Variants in MFSD12 observed in about 807,000 individuals in gnomAD.
The protein encoded by MFSD12 is major facilitator superfamily domain-containing protein 12.
Under a neutral mutation model 51.2 loss-of-function variants are expected in MFSD12, and 67 were observed. That is an observed-to-expected ratio of 1.31 (90% CI 1.08 to 1.60). MFSD12 has a LOEUF of 1.60. Among genes scored for constraint, MFSD12 ranks in the 40% most tolerant of loss-of-function variants. The probability of loss-of-function intolerance (pLI) is 0.00; values close to 1 mark genes in which losing one functional copy is unlikely to be tolerated. For missense variants in MFSD12, 921 were observed against 673.0 expected (o/e 1.37, Z -4.08); for synonymous variants, 441 against 316.7 (o/e 1.39, Z -4.17).
Position 3,548,337 on chromosome 19 carries a change from C to T in MFSD12, c.510-70G>A, listed in dbSNP as rs528526320. 30 of 1,527,564 alleles carry T rather than the reference C, an allele frequency of 2.0e-5. No individual in the cohort carries two copies. In the East Asian group the frequency reaches 2.7e-4, roughly 14 times the overall value. 94.6% of individuals were successfully genotyped at this position (1,527,564 alleles called of 1,614,324 possible). A position where few individuals can be genotyped will look rare whatever the true frequency, so the allele number is the denominator to read the frequency against. On this transcript the variant is annotated intron_variant, in intron 2 of 9. Coordinates refer to ENST00000355415, the MANE Select transcript of MFSD12 (RefSeq NM_174983.5). ...GGGTCACTTCCTCCCCACGTGGCTA[C>T]GCCGTCAGAGAGGCCTGGGGAACCC...
downstream of MFSD12, chr19:3,543,774 T>A (rs1005173664): frequency 6.7e-7 from 1 of 1,490,470 alleles, no homozygotes; most frequent in East Asian, 2.5e-5. Flanking sequence ...AGGAGCCCCT[T>A]GCTGGCCAAC....
At chr19:3,553,778 A>G (rs181864864) in intron 1 of MFSD12, among the ~76,000 whole-genome samples, 1 of 149,222 alleles carries the variant, frequency 6.7e-6, no homozygotes, top group Non-Finnish European at 1.5e-5. Flanking sequence ...GAAACAGAGA[A>G]AGAAAGGAAA....
downstream of MFSD12, chr19:3,543,971 C>T (rs1205972207): frequency 1.3e-6 from 2 of 1,549,272 alleles, no homozygotes; most frequent in Non-Finnish European, 8.7e-7. Context: ...CCTCCACCTG[C>T]CAGCGGTCCC....
chr19:3,538,914 AC>A, intron 4 of MFSD12: 1 of 660,484 alleles, frequency 1.5e-6, no homozygotes, highest in Non-Finnish European at 2.8e-6. Flanking sequence ...GAGAAGCCAG[AC>A]CCCAGGTGGG....
Position 3,544,280 on chromosome 19 carries a change from G to A in MFSD12, c.*430C>T. The A allele has an allele frequency of 2.3e-6, 3 of 1,297,758 alleles. No homozygotes were observed. The highest frequency in any genetic ancestry group is 2.9e-6 in the Non-Finnish European group (3 of 1,024,088). 80.4% of individuals were successfully genotyped at this position (1,297,758 alleles called of 1,614,324 possible). The stretch of plus-strand genomic sequence containing the variant: ...TGCTGCCCACCACGGTGGGGTCCAG[G>A]CCCAGCCCACCACCCCGTGGCTGTC... On this transcript the variant is annotated 3_prime_UTR_variant, in exon 10 of 10. Transcript: ENST00000355415.
intron 1 of MFSD12, among the ~76,000 whole-genome samples, chr19:3,552,058 G>C (rs573716339): frequency 6.6e-6 from 1 of 152,080 alleles, no homozygotes. Flanking sequence ...CTCACCCTTC[G>C]GAGCACCCGG....
chr19:3,546,258 G>A lies in MFSD12; in HGVS notation c.1191C>T (p.His397=). The change falls in exon 7 of 10, where the codon CAC becomes CAT. Residue 397 remains histidine, a synonymous_variant. Transcript: ENST00000355415. ...LAMTADLIGP[H]TNSGAFVYGS... ...CCAGCCTGGCTACCAGCCCTACCGT[G>A]TGGGGACCGATGAGGTCGGCCGTCA... is the stretch of plus-strand genomic sequence containing the variant. 1 of 1,610,764 alleles carries A rather than the reference G, an allele frequency of 6.2e-7. No individual in the cohort carries two copies. The highest frequency in any genetic ancestry group is 8.5e-7 in the Non-Finnish European group (1 of 1,179,058).
chr19:3,548,002 CCGA>C lies in MFSD12; in HGVS notation c.680_682del (p.Val227del), dbSNP rs778505146. 7.5e-6 allele frequency: 12 copies of C among 1,598,800 alleles called. No homozygotes were observed. The highest frequency in any genetic ancestry group is 8.5e-6 in the Non-Finnish European group (10 of 1,179,386). ...GTGGAATAGCAGTGAGAACACGGCGCCGACACCCACCACCAGCAGGGACAGGTT... is the reference window on the plus strand; with the variant it reads ...GTGGAATAGCAGTGAGAACACGGCGCCACCCACCACCAGCAGGGACAGGTT... On this transcript the variant is annotated inframe_deletion, in exon 4 of 10. Transcript: ENST00000355415.
At chr19:3,540,429 T>G (rs1393862621), downstream of MFSD12, among the ~76,000 whole-genome samples, 1 of 151,778 alleles carries the variant, frequency 6.6e-6, no homozygotes, top group Non-Finnish European at 1.5e-5. Context: ...AGCTAATTTT[T>G]GTATTTTTAG....
Position 3,544,811 on chromosome 19 carries a change from CG to C in MFSD12, c.1417del (p.Arg473AlafsTer11). On this transcript the variant is annotated frameshift_variant, in exon 9 of 10. Transcript: ENST00000355415. LOFTEE classifies it high-confidence loss of function. Reference protein sequence around the residue: ...SLLLWPTRLRRWDRDARP With the variant: ...SLLLWPTRLRXWDRDARP ...GGGAGGGGTGGGCCAGGACTCACAGCGTCGCAGGCGGGTCGGCCACAGCAGG... is the reference window on the plus strand; with the variant it reads ...GGGAGGGGTGGGCCAGGACTCACAGCTCGCAGGCGGGTCGGCCACAGCAGG... 2 of 1,611,972 alleles carry C rather than the reference CG, an allele frequency of 1.2e-6. No individual in the cohort carries two copies. Among genetic ancestry groups the C allele is most frequent in the Non-Finnish European group, 1.7e-6 (2 of 1,179,178 alleles).
At chr19:3,550,927 C>A (rs1174084230) in intron 2 of MFSD12, 57 bp downstream of exon 2, 1 of 1,474,182 alleles carries the variant, frequency 6.8e-7, no homozygotes, top group Non-Finnish European at 9.4e-7. Context: ...GTGCCACTGA[C>A]TGATACACCG....
In MFSD12 at chr19:3,555,846, G is replaced by T. The variant is rs1369552592; in HGVS notation, c.298+1260C>A. ...CAGGACGCAGCCGGCACTTCTGTGA[G>T]GGCAAGAAGAGCAGGGAAGGAGGCC... On this transcript the variant is annotated intron_variant, in intron 1 of 9. Transcript: ENST00000355415. Among the ~76,000 whole-genome samples, 3 of 152,214 alleles carry T rather than the reference G, an allele frequency of 2.0e-5. No individual in the cohort carries two copies. The East Asian group carries it at 5.8e-4, about 29-fold the overall frequency.
At position 3,546,362 on chromosome 19, in the gene MFSD12, C is replaced by A. The variant is rs377531803; in HGVS notation, c.1087G>T (p.Gly363Ter). 7.5e-6 allele frequency: 12 copies of A among 1,607,680 alleles called. No homozygotes were observed. The highest frequency in any genetic ancestry group is 1.0e-5 in the Non-Finnish European group (12 of 1,177,960). The part of the protein sequence containing the change: ...AFAAWVALAE[G>*]LGVAVYAAAV... ...GCTGCGTACACGGCCACACCCAGTC[C>A]CTCCGCCAGCGCCACCCAGGCGGCA... Residue 363 changes from glycine (G) to a stop codon, truncating the protein, a stop_gained, in exon 7 of 10, where the codon GGA (glycine) becomes TGA (stop). Transcript: ENST00000355415. LOFTEE classifies it high-confidence loss of function.
At chr19:3,542,914 G>GGAC, downstream of MFSD12, 1 of 1,437,788 alleles carries the variant, frequency 7.0e-7, no homozygotes, top group Non-Finnish European at 9.4e-7. Context: ...GACAAGGACT[G>GGAC]TAGGAATCCA....
chr19:3,540,298 G>A (rs139437063), downstream of MFSD12, among the ~76,000 whole-genome samples: 11 of 150,156 alleles, frequency 7.3e-5, no homozygotes, highest in Admixed American at 2.7e-4. Flanking sequence ...CACTCTTGTC[G>A]CAAGACTGGA....
At chr19:3,554,140 A>C (rs2031620325) in intron 1 of MFSD12, among the ~76,000 whole-genome samples, 1 of 151,954 alleles carries the variant, frequency 6.6e-6, no homozygotes, top group South Asian at 2.1e-4. Flanking sequence ...AAGGGTAGTG[A>C]AAGTTCCTGC....
chr19:3,545,801 C>A (rs142911613), intron 8 of MFSD12, among the ~76,000 whole-genome samples: 1 of 152,208 alleles, frequency 6.6e-6, no homozygotes, highest in Non-Finnish European at 1.5e-5. Context: ...CTGGGTTACA[C>A]GGACTCGGGG....
chr19:3,546,794 CAG>C (rs1433153857), intron 6 of MFSD12, among the ~76,000 whole-genome samples: 1 of 152,310 alleles, frequency 6.6e-6, no homozygotes, highest in East Asian at 1.9e-4. Flanking sequence ...ACTCGAGACA[CAG>C]AGAAGCCAGG....
intron 8 of MFSD12, among the ~76,000 whole-genome samples, chr19:3,545,319 T>C (rs1475032380): frequency 1.3e-5 from 2 of 152,168 alleles, no homozygotes; most frequent in Non-Finnish European, 1.5e-5. Flanking sequence ...CCCACAGCTC[T>C]CTGTGAGTCC....
Sources: gnomAD v4.1 joint callset for allele counts (sites outside exome capture counted in the v4.1 genomes callset) on GRCh38, gnomAD v4.1.1 for gene constraint, MANE v1.5 for transcripts, NCBI Gene and HGNC (gene_info 2026-07-23, HGNC 2026-07-21) for gene names.